TWIST2: variants seen among roughly 807,000 people sequenced by gnomAD.
TWIST2 encodes the protein twist-related protein 2.
A neutral mutation model predicts 11.6 loss-of-function variants in TWIST2; 1 was observed. That is an observed-to-expected ratio of 0.09 (90% CI 0.03 to 0.41). The LOEUF is 0.41. TWIST2 is among the 10% of genes least tolerant of loss of function. TWIST2 has a pLI of 0.98. For synonymous variants in TWIST2, 87 were observed against 96.6 expected, an observed-to-expected ratio of 0.90 and a Z score of 0.58; for missense variants, 168 against 226.4, an observed-to-expected ratio of 0.74 and a Z score of 1.66.
chr2:238,906,964 G>A (rs1055267942), intron 1 of TWIST2, among the ~76,000 whole-genome samples: 2 of 152,238 alleles, frequency 1.3e-5, no homozygotes, highest in African/African-American at 2.4e-5. Context: ...TCAACTGGCT[G>A]TTCTCATGTT....
At chr2:238,889,694 C>T (rs535124568) in intron 1 of TWIST2, among the ~76,000 whole-genome samples, 52 of 152,334 alleles carry the variant, frequency 3.4e-4, no homozygotes, top group South Asian at 4.1e-4. Context: ...CCATTGCAGT[C>T]GTAACATGGA....
chr2:238,871,580 GACAC>G (rs1276702718), intron 1 of TWIST2, among the ~76,000 whole-genome samples: 3 of 76,916 alleles, frequency 3.9e-5, no homozygotes, highest in Middle Eastern at 0.01. Context: ...ACCCCACTCT[GACAC>G]ACACCACACA....
At chr2:238,898,509 C>T (rs979895488) in intron 1 of TWIST2, among the ~76,000 whole-genome samples, 1 of 152,192 alleles carries the variant, frequency 6.6e-6, no homozygotes, top group Non-Finnish European at 1.5e-5. Flanking sequence ...ATGCAAAGAT[C>T]GCTTGGATCT....
chr2:238,873,876 G>A lies in TWIST2; in HGVS notation c.*35+25143G>A, dbSNP rs1034049201. On this transcript the variant is annotated intron_variant, in intron 1 of 1. Transcript: ENST00000612363. ...AGGCCTGTGATTCTTCTCCTTTACC[G>A]TCCCTGCCTCCAAATCCAGACTGGA... 5.9e-5 allele frequency among the ~76,000 whole-genome samples: 9 copies of A among 152,250 alleles called. 1 individual carries two copies. In the Middle Eastern group the frequency reaches 0.01, roughly 173 times the overall value.
intron 1 of TWIST2, among the ~76,000 whole-genome samples, chr2:238,852,534 T>G (rs950202136): frequency 2.0e-5 from 3 of 152,176 alleles, no homozygotes; most frequent in African/African-American, 7.2e-5. Flanking sequence ...ATCTAAGAGA[T>G]ACAGACATGG....
intron 1 of TWIST2, among the ~76,000 whole-genome samples, chr2:238,909,531 G>A (rs1239672965): frequency 1.3e-5 from 2 of 152,138 alleles, no homozygotes; most frequent in African/African-American, 2.4e-5. Context: ...TCATGGCTGC[G>A]CTGAGCACGG....
chr2:238,885,867 G>C, intron 1 of TWIST2, among the ~76,000 whole-genome samples: 1 of 152,090 alleles, frequency 6.6e-6, no homozygotes, highest in East Asian at 1.9e-4. Context: ...GCTCCAGTCT[G>C]CACCCCCAGA....
At chr2:238,905,862 T>C (rs1292967587) in intron 1 of TWIST2, among the ~76,000 whole-genome samples, 9 of 60,146 alleles carry the variant, frequency 1.5e-4, no homozygotes, top group Admixed American at 5.8e-4. Flanking sequence ...TGTGCGTGTG[T>C]GTGCGTGCGT....
At chr2:238,892,833 A>AC (rs1693162530) in intron 1 of TWIST2, among the ~76,000 whole-genome samples, 1 of 152,146 alleles carries the variant, frequency 6.6e-6, no homozygotes, top group African/African-American at 2.4e-5. Flanking sequence ...AGCTGATTTT[A>AC]CCTTAACTGA....
At chr2:238,853,448 G>GAGAGAGA (rs1692278424) in intron 1 of TWIST2, among the ~76,000 whole-genome samples, 9 of 130,622 alleles carry the variant, frequency 6.9e-5, no homozygotes, top group African/African-American at 8.8e-5. Flanking sequence ...AGGGAGAGAT[G>GAGAGAGA]GAGAGAGAGA....
At position 238,864,942 on chromosome 2, in the gene TWIST2, C is replaced by A. The variant is rs931330244; in HGVS notation, c.*35+16209C>A. Among the ~76,000 whole-genome samples, 4 of 152,108 alleles carry A rather than the reference C, an allele frequency of 2.6e-5. No individual in the cohort carries two copies. The highest frequency in any genetic ancestry group is 9.7e-5 in the African/African-American group (4 of 41,438). On this transcript the variant is annotated intron_variant, in intron 1 of 1. Coordinates refer to ENST00000612363, the MANE Select transcript of TWIST2 (RefSeq NM_001271893.4). This position sits in a 1 kb window ranked among gnomAD's most constrained non-coding sequence, Gnocchi z 4.7. The stretch of plus-strand genomic sequence containing the variant: ...GCCTGCCGGGAGGACCTGGAGGATG[C>A]ATCTACTGCCAGGCTCGGTGGGCCT...
intron 1 of TWIST2, among the ~76,000 whole-genome samples, chr2:238,854,576 T>G (rs547801831): frequency 6.6e-6 from 1 of 152,316 alleles, no homozygotes; most frequent in South Asian, 2.1e-4. Context: ...AGGGGAGGGT[T>G]AGAGATCCTT....
Position 238,848,875 on chromosome 2 carries a change from C to G in TWIST2, c.*35+142C>G, listed in dbSNP as rs1185561096. On this transcript the variant is annotated intron_variant, in intron 1 of 1. Coordinates refer to ENST00000612363, the MANE Select transcript of TWIST2 (RefSeq NM_001271893.4). ...GGATGCCGTGCGCTTTTCCTCTTAG[C>G]AAGGAAGGCGGGCGGGCGGGACGCT... is the stretch of plus-strand genomic sequence containing the variant. 7 of 608,730 alleles carry G rather than the reference C, an allele frequency of 1.1e-5. 1 individual carries two copies. The East Asian group carries it at 2.7e-4, about 24-fold the overall frequency. 37.7% of individuals were successfully genotyped at this position (608,730 alleles called of 1,614,324 possible). A position where few individuals can be genotyped will look rare whatever the true frequency, so the allele number is the denominator to read the frequency against.
chr2:238,848,811 CGT>C, intron 1 of TWIST2, 78 bp downstream of exon 1: 1 of 1,159,794 alleles, frequency 8.6e-7, no homozygotes, highest in East Asian at 3.4e-5. Context: ...GGGGCCTGCT[CGT>C]GTCTCCTCGG....
intron 1 of TWIST2, among the ~76,000 whole-genome samples, chr2:238,898,606 G>GT (rs1251235836): frequency 6.6e-6 from 1 of 152,244 alleles, no homozygotes; most frequent in Non-Finnish European, 1.5e-5. Context: ...AGCTCCTTGG[G>GT]TGCAGCTGCC....
chr2:238,881,213 CTT>C (rs1692919315), intron 1 of TWIST2, among the ~76,000 whole-genome samples: 2 of 122,394 alleles, frequency 1.6e-5, no homozygotes, highest in African/African-American at 3.3e-5. Flanking sequence ...TACTGTTAGT[CTT>C]AGTGTTAGTG....
intron 1 of TWIST2, among the ~76,000 whole-genome samples, chr2:238,896,948 C>T (rs1693214370): frequency 6.6e-6 from 1 of 152,056 alleles, no homozygotes; most frequent in Admixed American, 6.5e-5. Context: ...GTAGGCACAC[C>T]CCAGGGGGAG....
At chr2:238,873,767 C>T (rs943841674) in intron 1 of TWIST2, among the ~76,000 whole-genome samples, 5 of 152,082 alleles carry the variant, frequency 3.3e-5, no homozygotes, top group Non-Finnish European at 7.4e-5. Flanking sequence ...GATGAGTGGG[C>T]CTGAGGGTAC....
intron 1 of TWIST2, among the ~76,000 whole-genome samples, chr2:238,897,193 G>C (rs1308915543): frequency 2.0e-5 from 3 of 152,046 alleles, no homozygotes; most frequent in Admixed American, 2.0e-4. Flanking sequence ...GTATCCCTGC[G>C]TTCCTCCTGC....
Sources: allele counts gnomAD v4.1 joint callset (sites outside exome capture counted in the v4.1 genomes callset), GRCh38; gene constraint gnomAD v4.1.1; non-coding constraint Gnocchi (gnomAD v3.1); transcripts MANE v1.5; gene names NCBI Gene and HGNC (gene_info 2026-07-23, HGNC 2026-07-21).